The following RBM33 variants were observed in gnomAD, a reference collection of about 807,000 sequenced individuals.
RBM33 encodes the protein RNA binding motif protein 33.
Under a neutral mutation model 132.6 loss-of-function variants are expected in RBM33, and 28 were observed. The ratio of observed to expected loss-of-function variants is 0.21; its 90% CI spans 0.16 to 0.29. RBM33 has a LOEUF of 0.29. Among genes scored for constraint, RBM33 ranks in the 10% least tolerant of loss-of-function variants. The pLI, the probability that RBM33 is intolerant of heterozygous loss-of-function variation, is 1.00. For missense variants in RBM33, 1,291 were observed against 1,518.5 expected, an observed-to-expected ratio of 0.85 and a Z score of 2.49; for synonymous variants, 634 against 593.0, an observed-to-expected ratio of 1.07 and a Z score of -1.01.
At chr7:155,684,277 C>T (rs1222333902) in intron 5 of RBM33, among the ~76,000 whole-genome samples, 2 of 152,182 alleles carry the variant, frequency 1.3e-5, no homozygotes, top group African/African-American at 4.8e-5. Flanking sequence ...CCTGGGAAGT[C>T]TACCTCCGCT....
intron 9 of RBM33, among the ~76,000 whole-genome samples, chr7:155,725,821 T>C (rs974095490): frequency 6.6e-6 from 1 of 152,214 alleles, no homozygotes; most frequent in Non-Finnish European, 1.5e-5. Context: ...GGTGTTTTTT[T>C]ACCCCTGCAT....
At position 155,706,350 on chromosome 7, in the gene RBM33, G is replaced by A. The variant is rs755253315; in HGVS notation, c.740-510G>A. Among the ~76,000 whole-genome samples the A allele has an allele frequency of 1.8e-4, 28 of 152,234 alleles. 1 individual carries two copies. Among genetic ancestry groups the A allele is most frequent in the South Asian group, 4.2e-4 (2 of 4,814 alleles). ...CTATTAAAATGCAAAAAAATCAGCC[G>A]GCGTGGCGGTGTGCACCTGTGTAGT... On this transcript the variant is annotated intron_variant, in intron 6 of 17. Coordinates refer to ENST00000401878, the MANE Select transcript of RBM33 (RefSeq NM_053043.3).
At chr7:155,752,641 A>G (rs1484128943) in intron 14 of RBM33, among the ~76,000 whole-genome samples, 2 of 152,310 alleles carry the variant, frequency 1.3e-5, no homozygotes, top group East Asian at 1.9e-4. Flanking sequence ...CGTGCATCAC[A>G]TGCTTCTGAG....
intron 1 of RBM33, among the ~76,000 whole-genome samples, chr7:155,654,583 C>T (rs796564950): frequency 6.6e-6 from 1 of 152,176 alleles, no homozygotes; most frequent in South Asian, 2.1e-4. Flanking sequence ...TGGAACTCAG[C>T]CTCTGTGCTG....
intron 16 of RBM33, among the ~76,000 whole-genome samples, chr7:155,773,556 A>T (rs1468617646): frequency 7.8e-6 from 1 of 128,830 alleles, no homozygotes; most frequent in East Asian, 2.5e-4. Context: ...CAACAGTGCG[A>T]GACTCCATCT....
chr7:155,671,466 G>C (rs1798940946), intron 2 of RBM33, among the ~76,000 whole-genome samples: 1 of 152,174 alleles, frequency 6.6e-6, no homozygotes, highest in Non-Finnish European at 1.5e-5. Flanking sequence ...AAAGTCTTTA[G>C]TGCATGAATT....
At chr7:155,672,118 T>G (rs1391074769) in intron 2 of RBM33, among the ~76,000 whole-genome samples, 1 of 152,172 alleles carries the variant, frequency 6.6e-6, no homozygotes, top group Non-Finnish European at 1.5e-5. Context: ...TTTTTTCAGT[T>G]TCTTTTGGTT....
intron 1 of RBM33, among the ~76,000 whole-genome samples, chr7:155,657,156 C>G (rs1174179988): frequency 6.6e-6 from 1 of 152,180 alleles, no homozygotes. Flanking sequence ...TTTATGGCGT[C>G]TCTCCTTTGG....
intron 14 of RBM33, among the ~76,000 whole-genome samples, chr7:155,759,376 T>C (rs1038093699): frequency 3.3e-5 from 5 of 152,022 alleles, no homozygotes; most frequent in African/African-American, 4.8e-5. Flanking sequence ...AAGAGAACTT[T>C]TTCTTATTCG....
At chr7:155,760,358 C>T (rs1801994625) in intron 14 of RBM33, among the ~76,000 whole-genome samples, 1 of 152,144 alleles carries the variant, frequency 6.6e-6, no homozygotes, top group Admixed American at 6.5e-5. Context: ...ATGCATTTGC[C>T]CACGTTAGTG....
At chr7:155,756,889 G>A (rs548887043) in intron 14 of RBM33, among the ~76,000 whole-genome samples, 5 of 152,190 alleles carry the variant, frequency 3.3e-5, no homozygotes, top group African/African-American at 1.2e-4. Context: ...CCCCAGCATG[G>A]CTGTTGTAAT....
At chr7:155,709,311 A>C (rs1800209093) in intron 7 of RBM33, among the ~76,000 whole-genome samples, 1 of 152,128 alleles carries the variant, frequency 6.6e-6, no homozygotes, top group Admixed American at 6.5e-5. Context: ...CATCCCCTTA[A>C]ATACTTCCTG....
chr7:155,774,863 G>A lies in RBM33; in HGVS notation c.3465-130G>A, dbSNP rs1455970424. ...TTGTGTTTTAATAGATCTTCCCGGG[G>A]AATCTGCCTTTTTATATGATGCGTT... On this transcript the variant is annotated intron_variant, in intron 17 of 17. Coordinates refer to ENST00000401878, the MANE Select transcript of RBM33 (RefSeq NM_053043.3). This position sits in a 1 kb window ranked among gnomAD's most constrained non-coding sequence, Gnocchi z 4.2. 1.2e-6 allele frequency: 1 copy of A among 847,212 alleles called. No homozygotes were observed. Among genetic ancestry groups the A allele is most frequent in the African/African-American group, 1.7e-5 (1 of 58,874 alleles). The allele number at this position is 847,212 out of a possible 1,614,324, so 52.5% of individuals were successfully genotyped here.
At chr7:155,753,109 ACCC>A (rs1279742793) in intron 14 of RBM33, among the ~76,000 whole-genome samples, 2 of 152,114 alleles carry the variant, frequency 1.3e-5, no homozygotes, top group African/African-American at 4.8e-5. Context: ...CAGTGTTCTT[ACCC>A]CTTTCCCCAG....
Position 155,661,150 on chromosome 7 carries a change from T to A in RBM33, c.44-4025T>A, listed in dbSNP as rs868398001. ...TGTGTGTATATATATATATATATTT[T>A]TTTTTTTTTGAGACAGAGTCTCACT... On this transcript the variant is annotated intron_variant, in intron 1 of 17. Transcript: ENST00000401878. 4.4e-4 allele frequency among the ~76,000 whole-genome samples: 52 copies of A among 117,172 alleles called. 2 individuals are homozygous for A. Among genetic ancestry groups the A allele is most frequent in the Non-Finnish European group, 6.6e-4 (33 of 50,036 alleles). The allele number at this position is 117,172 out of a possible 152,430, so 76.9% of individuals were successfully genotyped here.
chr7:155,745,791 G>A lies in RBM33; in HGVS notation c.2979+189G>A. On this transcript the variant is annotated intron_variant, in intron 14 of 17. Coordinates refer to ENST00000401878, the MANE Select transcript of RBM33 (RefSeq NM_053043.3). The surrounding 1 kb of genome is among the most constrained non-coding windows in gnomAD (Gnocchi z 4.1). ...GACAGGCATACATTCTCAGAAATGT[G>A]TTGTTAGGCGATTTTGTCATTGTCT... 1.6e-6 allele frequency: 1 copy of A among 620,786 alleles called. No homozygotes were observed. Among genetic ancestry groups the A allele is most frequent in the Non-Finnish European group, 2.8e-6 (1 of 360,636 alleles). 38.5% of individuals were successfully genotyped at this position (620,786 alleles called of 1,614,324 possible).
In RBM33 at chr7:155,757,305, T is replaced by C. The variant is rs553468354; in HGVS notation, c.2980-6507T>C. 1.5e-3 allele frequency among the ~76,000 whole-genome samples: 223 copies of C among 152,302 alleles called. 2 individuals are homozygous for C. Among genetic ancestry groups the C allele is most frequent in the African/African-American group, 5.3e-3 (221 of 41,566 alleles). On this transcript the variant is annotated intron_variant, in intron 14 of 17. Transcript: ENST00000401878. ...AAAACCCGGGAACTTGAAACTGTTC[T>C]GTAGAATTAGCTTTTCCTCATGCTA... is the stretch of plus-strand genomic sequence containing the variant.
At chr7:155,687,249 C>T (rs1477790064) in intron 5 of RBM33, among the ~76,000 whole-genome samples, 1 of 152,202 alleles carries the variant, frequency 6.6e-6, no homozygotes, top group Non-Finnish European at 1.5e-5. Context: ...AGCATTTTTT[C>T]ATGTGTCTGT....
chr7:155,692,265 A>G (rs1799665536), intron 5 of RBM33, among the ~76,000 whole-genome samples: 1 of 152,182 alleles, frequency 6.6e-6, no homozygotes, highest in Non-Finnish European at 1.5e-5. Flanking sequence ...AGAATTATTG[A>G]TCAGATGTAG....
Sources: gnomAD v4.1 joint callset for allele counts (sites outside exome capture counted in the v4.1 genomes callset) on GRCh38, gnomAD v4.1.1 for gene constraint, Gnocchi (gnomAD v3.1) non-coding constraint, MANE v1.5 for transcripts, NCBI Gene and HGNC (gene_info 2026-07-23, HGNC 2026-07-21) for gene names.